The following UBE2D2 variants were observed in gnomAD, a reference collection of about 807,000 sequenced individuals.
The protein encoded by UBE2D2 is ubiquitin-conjugating enzyme E2 D2.
A neutral mutation model predicts 24.2 loss-of-function variants in UBE2D2; 2 were observed. That is an observed-to-expected ratio of 0.08 (90% CI 0.03 to 0.26). The LOEUF is 0.26. UBE2D2 is among the 10% of genes least tolerant of loss of function. UBE2D2 has a pLI of 1.00. For synonymous variants in UBE2D2, 58 were observed against 56.5 expected (o/e 1.03, Z -0.12); for missense variants, 44 against 177.6 (o/e 0.25, Z 4.28).
intron 1 of UBE2D2, among the ~76,000 whole-genome samples, chr5:139,548,163 C>CAAAAAAAAA (rs749269739): frequency 1.2e-4 from 4 of 32,958 alleles, no homozygotes; most frequent in Non-Finnish European, 1.5e-4. Flanking sequence ...GACTCCGTCT[C>CAAAAAAAAA]AAAAAAAAAA....
intron 1 of UBE2D2, among the ~76,000 whole-genome samples, chr5:139,564,598 C>T (rs751203976): frequency 4.0e-5 from 6 of 151,880 alleles, no homozygotes; most frequent in Non-Finnish European, 8.8e-5. Flanking sequence ...GGATTACAGG[C>T]ACTCCGCCGC....
intron 1 of UBE2D2, among the ~76,000 whole-genome samples, chr5:139,551,651 A>T (rs1158229358): frequency 6.6e-6 from 1 of 152,234 alleles, no homozygotes; most frequent in Non-Finnish European, 1.5e-5. Context: ...TTAAAAGAGG[A>T]ACAACAGAGA....
At chr5:139,539,975 A>G (rs893404826) in intron 1 of UBE2D2, among the ~76,000 whole-genome samples, 4 of 151,690 alleles carry the variant, frequency 2.6e-5, no homozygotes, top group African/African-American at 9.7e-5. Context: ...GCTGGAGTGC[A>G]ATAGCACAAT....
intron 5 of UBE2D2, among the ~76,000 whole-genome samples, chr5:139,619,654 G>A (rs1256351689): frequency 3.9e-5 from 6 of 152,038 alleles, no homozygotes; most frequent in Non-Finnish European, 1.5e-5. Flanking sequence ...ACTGAGGTCG[G>A]GAGTTTGAGA....
intron 2 of UBE2D2, among the ~76,000 whole-genome samples, chr5:139,605,638 G>T: frequency 6.8e-6 from 1 of 147,660 alleles, no homozygotes. Context: ...CAAATAAGCT[G>T]AAGATTTAAT....
At chr5:139,545,791 T>C (rs977920874) in intron 1 of UBE2D2, among the ~76,000 whole-genome samples, 2 of 151,572 alleles carry the variant, frequency 1.3e-5, no homozygotes, top group African/African-American at 4.8e-5. Context: ...TGGTGTGATC[T>C]CTGCTCACTG....
At chr5:139,552,498 T>G (rs1002098615) in intron 1 of UBE2D2, among the ~76,000 whole-genome samples, 2 of 141,600 alleles carry the variant, frequency 1.4e-5, no homozygotes, top group Non-Finnish European at 3.0e-5. Context: ...TTTGTTTCTT[T>G]TTTCTTTTTT....
intron 1 of UBE2D2, among the ~76,000 whole-genome samples, chr5:139,585,506 C>T (rs1753710019): frequency 6.6e-6 from 1 of 151,966 alleles, no homozygotes; most frequent in Admixed American, 6.6e-5. Context: ...GGGATTATAG[C>T]CATGAGTCCC....
intron 6 of UBE2D2, among the ~76,000 whole-genome samples, chr5:139,625,922 TAGG>T (rs1754617719): frequency 6.6e-6 from 1 of 151,714 alleles, no homozygotes; most frequent in South Asian, 2.1e-4. Context: ...CGTTTTTTAA[TAGG>T]AGAATTATAG....
chr5:139,537,534 G>C (rs1157588248), intron 1 of UBE2D2, among the ~76,000 whole-genome samples: 2 of 151,906 alleles, frequency 1.3e-5, no homozygotes, highest in African/African-American at 4.8e-5. Context: ...GGAGTGCAGT[G>C]GTTCTCACCA....
intron 1 of UBE2D2, among the ~76,000 whole-genome samples, chr5:139,544,912 G>A (rs1287411075): frequency 6.6e-6 from 1 of 152,012 alleles, no homozygotes; most frequent in Non-Finnish European, 1.5e-5. Flanking sequence ...AAGTAGCTGG[G>A]ACTACAGGTG....
chr5:139,563,884 G>C (rs1272950385), intron 1 of UBE2D2, among the ~76,000 whole-genome samples: 2 of 151,764 alleles, frequency 1.3e-5, no homozygotes, highest in African/African-American at 4.8e-5. Context: ...GCAGTGAGCC[G>C]AGATCGCGCC....
chr5:139,547,372 G>C (rs1752847736), intron 1 of UBE2D2, among the ~76,000 whole-genome samples: 1 of 152,116 alleles, frequency 6.6e-6, no homozygotes, highest in African/African-American at 2.4e-5. Context: ...GTAAAGACAA[G>C]AACAGAAAAT....
At chr5:139,618,378 A>T (rs1754457133) in intron 5 of UBE2D2, among the ~76,000 whole-genome samples, 2 of 152,186 alleles carry the variant, frequency 1.3e-5, no homozygotes, top group African/African-American at 2.4e-5. Context: ...ACATTTTTTT[A>T]AAGTTATTAC....
chr5:139,572,586 A>AC (rs1432753355), intron 1 of UBE2D2, among the ~76,000 whole-genome samples: 1 of 151,752 alleles, frequency 6.6e-6, no homozygotes, highest in Non-Finnish European at 1.5e-5. Flanking sequence ...ACAGAGCGAG[A>AC]TCTGTCTCTT....
At chr5:139,581,263 A>G (rs1753596883) in intron 1 of UBE2D2, among the ~76,000 whole-genome samples, 1 of 152,088 alleles carries the variant, frequency 6.6e-6, no homozygotes, top group Admixed American at 6.6e-5. Flanking sequence ...CCTGGCCAAG[A>G]TGGTGAAACC....
intron 1 of UBE2D2, among the ~76,000 whole-genome samples, chr5:139,589,133 C>T (rs922727376): frequency 2.0e-5 from 3 of 152,106 alleles, no homozygotes; most frequent in East Asian, 1.9e-4. Flanking sequence ...TTGGTTTGCA[C>T]CTGTAATCCC....
intron 1 of UBE2D2, among the ~76,000 whole-genome samples, chr5:139,531,360 C>T (rs1363934386): frequency 6.6e-6 from 1 of 152,166 alleles, no homozygotes. Flanking sequence ...TGCATGCAGC[C>T]CCTGTCACGT....
intron 1 of UBE2D2, among the ~76,000 whole-genome samples, chr5:139,593,294 G>A (rs1184282346): frequency 6.6e-6 from 1 of 151,938 alleles, no homozygotes; most frequent in Non-Finnish European, 1.5e-5. Flanking sequence ...GCACCTGGCC[G>A]ATTCTCAGAC....
Sources: allele counts gnomAD v4.1 joint callset (sites outside exome capture counted in the v4.1 genomes callset), GRCh38; gene constraint gnomAD v4.1.1; transcripts MANE v1.5; gene names NCBI Gene and HGNC (gene_info 2026-07-23, HGNC 2026-07-21).